The following SRGAP1 variants were observed in gnomAD, a reference collection of about 807,000 sequenced individuals.
SRGAP1 encodes SLIT-ROBO Rho GTPase activating protein 1, also known as SLIT-ROBO Rho GTPase-activating protein 1.
Under a neutral mutation model 121.9 loss-of-function variants are expected in SRGAP1, and 43 were observed. The ratio of observed to expected loss-of-function variants is 0.35; its 90% CI spans 0.28 to 0.46. SRGAP1 has a LOEUF of 0.46. Ranked by LOEUF, SRGAP1 falls within the 20% of genes least tolerant of loss-of-function variation. The probability of loss-of-function intolerance (pLI) is 1.00; values close to 1 mark genes in which losing one functional copy is unlikely to be tolerated. For synonymous variants in SRGAP1, 447 were observed against 485.4 expected (o/e 0.92, Z 1.04); for missense variants, 1,102 against 1,350.9 (o/e 0.82, Z 2.89).
At chr12:63,982,369 C>A (rs974894626) in intron 1 of SRGAP1, among the ~76,000 whole-genome samples, 3 of 152,136 alleles carry the variant, frequency 2.0e-5, no homozygotes, top group Admixed American at 6.5e-5. Flanking sequence ...CCTTAAACTT[C>A]AATTATTCTT....
intron 6 of SRGAP1, among the ~76,000 whole-genome samples, chr12:64,053,518 A>G (rs1473755538): frequency 1.3e-5 from 2 of 152,208 alleles, no homozygotes; most frequent in South Asian, 2.1e-4. Context: ...TAAAATAACA[A>G]TCTCTTAGCT....
At chr12:63,845,377 C>A (rs948031897) in intron 1 of SRGAP1, among the ~76,000 whole-genome samples, 1 of 152,174 alleles carries the variant, frequency 6.6e-6, no homozygotes, top group Non-Finnish European at 1.5e-5. Context: ...ACACCGCTCA[C>A]AATTTATTAG....
chr12:64,026,727 A>G lies in SRGAP1; in HGVS notation c.489+9715A>G, dbSNP rs967217844. The stretch of plus-strand genomic sequence containing the variant: ...ACAAAAATACAAAAATTAGCCACGC[A>G]TGGTGATGCGCGCCTGTAATCCCAG... On this transcript the variant is annotated intron_variant, in intron 4 of 21. Coordinates refer to ENST00000355086, the MANE Select transcript of SRGAP1 (RefSeq NM_020762.4). 5.3e-5 allele frequency among the ~76,000 whole-genome samples: 8 copies of G among 151,628 alleles called. No homozygotes were observed. The East Asian group carries it at 1.5e-3, about 29-fold the overall frequency.
chr12:64,147,478 A>G lies in SRGAP1; in HGVS notation c.*4806A>G, dbSNP rs911705394. On this transcript the variant is annotated 3_prime_UTR_variant, in exon 22 of 22. Coordinates refer to ENST00000355086, the MANE Select transcript of SRGAP1 (RefSeq NM_020762.4). ...TCGGTGCTCAGTAATGTCCCATCTCACCTCCCTGTCGGTCCTCAGACTGTC... is the reference window on the plus strand; with the variant it reads ...TCGGTGCTCAGTAATGTCCCATCTCGCCTCCCTGTCGGTCCTCAGACTGTC... 2.5e-6 allele frequency: 1 copy of G among 394,544 alleles called. No homozygotes were observed. The highest frequency in any genetic ancestry group is 4.4e-6 in the Non-Finnish European group (1 of 225,332). 24.4% of individuals were successfully genotyped at this position (394,544 alleles called of 1,614,324 possible).
At chr12:64,142,052 G>A (rs1376516869) in intron 21 of SRGAP1, among the ~76,000 whole-genome samples, 1 of 152,054 alleles carries the variant, frequency 6.6e-6, no homozygotes, top group Non-Finnish European at 1.5e-5. Flanking sequence ...GCTACCTTAG[G>A]GCCTTAGGAA....
chr12:63,968,988 G>A (rs1177029398), intron 1 of SRGAP1, among the ~76,000 whole-genome samples: 3 of 152,082 alleles, frequency 2.0e-5, no homozygotes, highest in Non-Finnish European at 4.4e-5. Context: ...GTGGGTCCCC[G>A]CCAGAAACAT....
At chr12:64,113,131 G>A (rs535147280) in intron 17 of SRGAP1, among the ~76,000 whole-genome samples, 1 of 152,068 alleles carries the variant, frequency 6.6e-6, no homozygotes, top group East Asian at 1.9e-4. Flanking sequence ...AAAAAGGCTG[G>A]GCGCAGTGGC....
chr12:63,891,141 C>T lies in SRGAP1; in HGVS notation c.67+46258C>T, dbSNP rs1232542284. 2.6e-5 allele frequency among the ~76,000 whole-genome samples: 4 copies of T among 152,188 alleles called. No homozygotes were observed. In the East Asian group the frequency reaches 5.8e-4, roughly 22 times the overall value. On this transcript the variant is annotated intron_variant, in intron 1 of 21. Transcript: ENST00000355086. ...CTCCCATGCATAGCTCTGGCTCATTCCTCCACACTCATGGAGGCCTTGGAT... is the reference window on the plus strand; with the variant it reads ...CTCCCATGCATAGCTCTGGCTCATTTCTCCACACTCATGGAGGCCTTGGAT...
intron 1 of SRGAP1, among the ~76,000 whole-genome samples, chr12:63,901,857 C>T (rs971883910): frequency 2.0e-5 from 3 of 152,210 alleles, no homozygotes; most frequent in Non-Finnish European, 4.4e-5. Context: ...ATTGTTTAAG[C>T]CCTGTAGGTT....
intron 1 of SRGAP1, among the ~76,000 whole-genome samples, chr12:63,895,049 C>G (rs1418663539): frequency 1.3e-5 from 2 of 152,162 alleles, no homozygotes; most frequent in Non-Finnish European, 2.9e-5. Context: ...TGAGGAATCG[C>G]CACACTGTCT....
chr12:63,946,765 G>A (rs561971822), intron 1 of SRGAP1, among the ~76,000 whole-genome samples: 9 of 151,966 alleles, frequency 5.9e-5, no homozygotes, highest in African/African-American at 1.9e-4. Context: ...GGCTAGTCTC[G>A]AACTCCTGAA....
Position 64,024,169 on chromosome 12 carries a change from C to A in SRGAP1, c.489+7157C>A, listed in dbSNP as rs755536499. Among the ~76,000 whole-genome samples, 53 of 152,134 alleles carry A rather than the reference C, an allele frequency of 3.5e-4. 1 individual carries two copies. Among genetic ancestry groups the A allele is most frequent in the Non-Finnish European group, 1.8e-4 (12 of 68,032 alleles). Reference sequence around the variant, plus strand: ...ATATGAAGCCGGGTGTGGTGATTCACGTCTGTAATCCCAGCACTTTGAGAG... The same window carrying A: ...ATATGAAGCCGGGTGTGGTGATTCAAGTCTGTAATCCCAGCACTTTGAGAG... On this transcript the variant is annotated intron_variant, in intron 4 of 21. Transcript: ENST00000355086.
At chr12:64,129,165 A>AAT (rs2036745524) in intron 21 of SRGAP1, among the ~76,000 whole-genome samples, 2 of 152,120 alleles carry the variant, frequency 1.3e-5, no homozygotes, top group Non-Finnish European at 1.5e-5. Context: ...GAATTAATGG[A>AAT]ATATATATAC....
intron 9 of SRGAP1, among the ~76,000 whole-genome samples, 166 bp from the exon 10 acceptor site, chr12:64,080,120 A>G (rs1268089883): frequency 6.6e-6 from 1 of 151,814 alleles, no homozygotes; most frequent in East Asian, 2.0e-4. Context: ...GCGGGCGCTT[A>G]TAATCCCAGC....
intron 3 of SRGAP1, among the ~76,000 whole-genome samples, chr12:64,008,406 A>G (rs1021828914): frequency 1.3e-5 from 2 of 152,090 alleles, no homozygotes; most frequent in Admixed American, 6.5e-5. Flanking sequence ...ACTTACATCC[A>G]TTGTCAGATT....
At chr12:63,910,648 T>C (rs2030449997) in intron 1 of SRGAP1, among the ~76,000 whole-genome samples, 1 of 152,184 alleles carries the variant, frequency 6.6e-6, no homozygotes, top group African/African-American at 2.4e-5. Context: ...AATGATTTAG[T>C]AATATCTATA....
chr12:64,000,275 T>TGTGTGTGTGTGTGTG (rs1555163998), intron 3 of SRGAP1, among the ~76,000 whole-genome samples: 1 of 133,356 alleles, frequency 7.5e-6, no homozygotes, highest in Non-Finnish European at 1.6e-5. Context: ...TGTGTGTGTG[T>TGTGTGTGTGTGTGTG]AAAAAAAAAA....
At position 64,147,608 on chromosome 12, in the gene SRGAP1, G is replaced by T; in HGVS notation, c.*4936G>T. 2.5e-6 allele frequency: 1 copy of T among 398,660 alleles called. No homozygotes were observed. Among genetic ancestry groups the T allele is most frequent in the Non-Finnish European group, 4.4e-6 (1 of 226,124 alleles). 24.7% of individuals were successfully genotyped at this position (398,660 alleles called of 1,614,324 possible). On this transcript the variant is annotated 3_prime_UTR_variant, in exon 22 of 22. Transcript: ENST00000355086. ...GCTGCTGACAGCATCGCATTCGCCC[G>T]TGCTCTGTACTGCCTCTCACCATTT...
Position 64,153,915 on chromosome 12 carries a change from G to C in SRGAP1, c.*11243G>C, listed in dbSNP as rs2037143953. The C allele has an allele frequency of 6.6e-6, 1 of 152,156 alleles. No individual in the cohort carries two copies. The highest frequency in any genetic ancestry group is 2.4e-5 in the African/African-American group (1 of 41,436). The allele number at this position is 152,156 out of a possible 1,614,324, so 9.4% of individuals were successfully genotyped here. On this transcript the variant is annotated 3_prime_UTR_variant, in exon 22 of 22. Transcript: ENST00000355086. Reference sequence around the variant, plus strand: ...AAGCAACCCATGAATGGATGAATGGGTAAAGAAAATGTGCCATACACATAA... The same window carrying C: ...AAGCAACCCATGAATGGATGAATGGCTAAAGAAAATGTGCCATACACATAA...
Sources: allele counts gnomAD v4.1 joint callset (sites outside exome capture counted in the v4.1 genomes callset), GRCh38; gene constraint gnomAD v4.1.1; transcripts MANE v1.5; gene names NCBI Gene and HGNC (gene_info 2026-07-23, HGNC 2026-07-21).